The following ADD2 variants were observed in gnomAD, a reference collection of about 807,000 sequenced individuals.
The protein encoded by ADD2 is adducin 2.
A neutral mutation model predicts 83.0 loss-of-function variants in ADD2; 23 were observed. The observed-to-expected ratio is 0.28, with a 90% CI of 0.20 to 0.39. ADD2 has a LOEUF of 0.39. ADD2 is among the 10% of genes least tolerant of loss of function. The probability of loss-of-function intolerance (pLI) is 1.00; values close to 1 mark genes in which losing one functional copy is unlikely to be tolerated. For missense variants in ADD2, 758 were observed against 944.9 expected, an observed-to-expected ratio of 0.80 and a Z score of 2.59; for synonymous variants, 375 against 375.4, an observed-to-expected ratio of 1.00 and a Z score of 0.01.
chr2:70,726,186 CAAAA>C (rs34333514), intron 1 of ADD2, among the ~76,000 whole-genome samples: 1 of 45,486 alleles, frequency 2.2e-5, no homozygotes, highest in African/African-American at 7.8e-5. Context: ...GACTCCATCT[CAAAA>C]AAAAAAAAAA....
intron 9 of ADD2, chr2:70,687,394 T>G (rs900190354): frequency 2.0e-5 from 3 of 153,322 alleles, no homozygotes; most frequent in Non-Finnish European, 4.4e-5. Context: ...CCAACTCCTC[T>G]AGGGGGTTCC....
chr2:70,720,488 G>A (rs1446828529), intron 1 of ADD2, among the ~76,000 whole-genome samples: 5 of 152,158 alleles, frequency 3.3e-5, no homozygotes, highest in Admixed American at 1.3e-4. Flanking sequence ...TCCTCTCCCC[G>A]ATGATTCTGT....
chr2:70,707,773 AG>A (rs1345713665), intron 2 of ADD2, among the ~76,000 whole-genome samples: 3 of 152,270 alleles, frequency 2.0e-5, no homozygotes, highest in South Asian at 2.1e-4. Context: ...ACAAGGGACC[AG>A]GACACCTGGG....
At chr2:70,707,813 C>T (rs1395026700) in intron 2 of ADD2, among the ~76,000 whole-genome samples, 1 of 152,252 alleles carries the variant, frequency 6.6e-6, no homozygotes, top group African/African-American at 2.4e-5. Flanking sequence ...CACTCCCTTG[C>T]TTTACCTCCA....
At chr2:70,743,777 GC>G (rs1398691140) in intron 1 of ADD2, among the ~76,000 whole-genome samples, 2 of 152,196 alleles carry the variant, frequency 1.3e-5, no homozygotes, top group Admixed American at 6.5e-5. Flanking sequence ...GATTACTATA[GC>G]AGGTACAAAG....
In ADD2 at chr2:70,713,056, GCTTA is replaced by G. The variant is rs1236742723; in HGVS notation, c.-35+6_-35+9del. On this transcript the variant is annotated splice_donor_region_variant and intron_variant, in intron 2 of 15. Transcript: ENST00000264436. Reference sequence around the variant, plus strand: ...ACCCCCGTCACCACCAGAAACTACTGCTTACTTACCGGGAGGCTGGCCCAGCCCT... The same window carrying G: ...ACCCCCGTCACCACCAGAAACTACTGCTTACCGGGAGGCTGGCCCAGCCCT... The G allele has an allele frequency of 1.0e-6, 1 of 981,014 alleles. No homozygotes were observed. Among genetic ancestry groups the G allele is most frequent in the Non-Finnish European group, 1.2e-6 (1 of 826,078 alleles). The allele number at this position is 981,014 out of a possible 1,614,324, so 60.8% of individuals were successfully genotyped here. A position where few individuals can be genotyped will look rare whatever the true frequency, so the allele number is the denominator to read the frequency against.
In ADD2 at chr2:70,696,987, C is replaced by T. The variant is rs187505545; in HGVS notation, c.323-591G>A. On this transcript the variant is annotated intron_variant, in intron 4 of 15. Coordinates refer to ENST00000264436, the MANE Select transcript of ADD2 (RefSeq NM_001617.4). ...CATCCTGGCCAACACAGTGAAACCC[C>T]GTCTCTACTAAAAATACAAAAATTA... 6.6e-5 allele frequency among the ~76,000 whole-genome samples: 10 copies of T among 152,226 alleles called. No individual in the cohort carries two copies. The East Asian group carries it at 1.4e-3, about 21-fold the overall frequency.
intron 1 of ADD2, among the ~76,000 whole-genome samples, chr2:70,716,526 G>T (rs1672478099): frequency 2.6e-5 from 4 of 152,278 alleles, no homozygotes; most frequent in Admixed American, 2.6e-4. Context: ...TTGCAGCCTG[G>T]CAGCAACAAT....
chr2:70,695,000 C>T (rs1671237806), intron 6 of ADD2, among the ~76,000 whole-genome samples: 1 of 152,116 alleles, frequency 6.6e-6, no homozygotes, highest in Admixed American at 6.5e-5. Context: ...AGTTTCCTTT[C>T]TTACCTCTCA....
In ADD2 at chr2:70,706,983, T is replaced by A. The variant is rs73939915; in HGVS notation, c.-34-541A>T. 6.6e-6 allele frequency among the ~76,000 whole-genome samples: 1 copy of A among 152,044 alleles called. No individual in the cohort carries two copies. The highest frequency in any genetic ancestry group is 1.5e-5 in the Non-Finnish European group (1 of 68,018). ...AACAAACCTGCACATCCTGCACACG[T>A]ATCACAGAACTAAAAAGAAAAAAAA... On this transcript the variant is annotated intron_variant, in intron 2 of 15. Coordinates refer to ENST00000264436, the MANE Select transcript of ADD2 (RefSeq NM_001617.4). This position sits in a 1 kb window ranked among gnomAD's most constrained non-coding sequence, Gnocchi z 5.0.
At position 70,663,335 on chromosome 2, in the gene ADD2, C is replaced by T. The variant is rs575957236; in HGVS notation, c.*90G>A. 1.4e-6 allele frequency: 2 copies of T among 1,416,746 alleles called. No homozygotes were observed. The highest frequency in any genetic ancestry group is 1.4e-5 in the African/African-American group (1 of 69,878). The allele number at this position is 1,416,746 out of a possible 1,614,324, so 87.8% of individuals were successfully genotyped here. On this transcript the variant is annotated 3_prime_UTR_variant, in exon 16 of 16. Coordinates refer to ENST00000264436, the MANE Select transcript of ADD2 (RefSeq NM_001617.4). ...TGTGGTCCAGGGTCCTACTCTATCC[C>T]TCCTTAGCCCTGTGCTTGCAGGGAC... is the stretch of plus-strand genomic sequence containing the variant.
intron 1 of ADD2, among the ~76,000 whole-genome samples, chr2:70,757,302 T>C (rs766970782): frequency 6.9e-4 from 104 of 150,958 alleles, no homozygotes; most frequent in Non-Finnish European, 1.4e-3. Flanking sequence ...GGGGGGGGAT[T>C]TGTACAGGGA....
In ADD2 at chr2:70,661,403, C is replaced by T. The variant is rs1675532910; in HGVS notation, c.*2022G>A. The T allele has an allele frequency of 2.0e-5, 3 of 152,144 alleles. No homozygotes were observed. The highest frequency in any genetic ancestry group is 2.1e-4 in the South Asian group (1 of 4,804). 9.4% of individuals were successfully genotyped at this position (152,144 alleles called of 1,614,324 possible). ...AGGGATTGGCTTTTAAAGGCATTTCCCATATGACAGATTTTTCTGAGGCAT... is the reference window on the plus strand; with the variant it reads ...AGGGATTGGCTTTTAAAGGCATTTCTCATATGACAGATTTTTCTGAGGCAT... On this transcript the variant is annotated 3_prime_UTR_variant, in exon 16 of 16. Transcript: ENST00000264436.
chr2:70,686,296 A>C (rs1553370524), intron 9 of ADD2, among the ~76,000 whole-genome samples: 1 of 152,098 alleles, frequency 6.6e-6, no homozygotes, highest in Non-Finnish European at 1.5e-5. Flanking sequence ...CTGGGGGAAA[A>C]AAAGGTCACT....
In ADD2 at chr2:70,713,046, A is replaced by G; in HGVS notation, c.-35+20T>C. ...AGTGTGCATCACCCCCGTCACCACC[A>G]GAAACTACTGCTTACTTACCGGGAG... is the stretch of plus-strand genomic sequence containing the variant. On this transcript the variant is annotated intron_variant, in intron 2 of 15. Coordinates refer to ENST00000264436, the MANE Select transcript of ADD2 (RefSeq NM_001617.4). The G allele has an allele frequency of 1.0e-6, 1 of 974,944 alleles. No individual in the cohort carries two copies. The highest frequency in any genetic ancestry group is 1.2e-6 in the Non-Finnish European group (1 of 820,396). The allele number at this position is 974,944 out of a possible 1,614,324, so 60.4% of individuals were successfully genotyped here.
chr2:70,710,907 T>G (rs1422094718), intron 2 of ADD2, among the ~76,000 whole-genome samples: 3 of 152,258 alleles, frequency 2.0e-5, no homozygotes, highest in Admixed American at 1.3e-4. Flanking sequence ...ATTGAGGGGC[T>G]TAAGTCATCT....
At chr2:70,749,814 G>A (rs1553382617) in intron 1 of ADD2, among the ~76,000 whole-genome samples, 1 of 152,192 alleles carries the variant, frequency 6.6e-6, no homozygotes, top group Non-Finnish European at 1.5e-5. Flanking sequence ...ACAGGAGCCT[G>A]GCACATTGGT....
chr2:70,736,955 C>G (rs1673597486), intron 1 of ADD2, among the ~76,000 whole-genome samples: 1 of 152,024 alleles, frequency 6.6e-6, no homozygotes, highest in African/African-American at 2.4e-5. Flanking sequence ...ATTTATGCAG[C>G]CAACAGACAC....
At chr2:70,664,738 AGTGT>A (rs34661774) in intron 15 of ADD2, among the ~76,000 whole-genome samples, 5 of 148,142 alleles carry the variant, frequency 3.4e-5, no homozygotes, top group South Asian at 2.1e-4. Context: ...TGAGTGTGCA[AGTGT>A]GTGTGTGGGT....
Sources: gnomAD v4.1 joint callset for allele counts (sites outside exome capture counted in the v4.1 genomes callset) on GRCh38, gnomAD v4.1.1 for gene constraint, Gnocchi (gnomAD v3.1) non-coding constraint, MANE v1.5 for transcripts, NCBI Gene and HGNC (gene_info 2026-07-23, HGNC 2026-07-21) for gene names.